DOCK9: variants seen among roughly 807,000 people sequenced by gnomAD.
DOCK9 encodes dedicator of cytokinesis 9, also known as dedicator of cytokinesis protein 9.
Under a neutral mutation model 263.3 loss-of-function variants are expected in DOCK9, and 89 were observed. That is an observed-to-expected ratio of 0.34 (90% CI 0.28 to 0.40). The LOEUF (loss-of-function observed/expected upper bound fraction) is 0.40, where lower values mean the gene tolerates loss of function less well. DOCK9 is among the 10% of genes least tolerant of loss of function. The probability of loss-of-function intolerance (pLI) is 1.00; values close to 1 mark genes in which losing one functional copy is unlikely to be tolerated. For missense variants in DOCK9, 2,140 were observed against 2,603.4 expected (o/e 0.82, Z 3.87); for synonymous variants, 976 against 973.1 (o/e 1.00, Z -0.06).
chr13:98,983,357 G>A (rs17785077), intron 1 of DOCK9, among the ~76,000 whole-genome samples: 14,044 of 152,178 alleles, frequency 0.092, 713 homozygotes, highest in Middle Eastern at 0.14. Flanking sequence ...TTCTGAGAAA[G>A]ACAAAAGCAT....
At chr13:98,940,238 C>T (rs536253219) in intron 2 of DOCK9, among the ~76,000 whole-genome samples, 4 of 152,132 alleles carry the variant, frequency 2.6e-5, no homozygotes, top group South Asian at 2.1e-4. Context: ...TTCAGGCAAG[C>T]GTTGCCTAAA....
chr13:98,923,412 G>C (rs1272642404), intron 4 of DOCK9, 41 bp from the exon 5 acceptor site: 1 of 1,539,594 alleles, frequency 6.5e-7, no homozygotes, highest in South Asian at 1.1e-5. Flanking sequence ...GAAATGCCTA[G>C]TCAAGGAAGA....
intron 45 of DOCK9, among the ~76,000 whole-genome samples, chr13:98,819,848 C>T (rs2092151476): frequency 6.6e-6 from 1 of 152,242 alleles, no homozygotes; most frequent in Admixed American, 6.5e-5. Context: ...GATATAAACA[C>T]TTAATGCTTC....
At chr13:98,864,430 CTA>C (rs932119718) in intron 30 of DOCK9, among the ~76,000 whole-genome samples, 39 of 152,294 alleles carry the variant, frequency 2.6e-4, no homozygotes, top group African/African-American at 8.9e-4. Context: ...AAAGGAAAGT[CTA>C]TAGACCTCTC....
At chr13:99,015,733 C>T in intron 1 of DOCK9, 2 of 1,375,330 alleles carry the variant, frequency 1.5e-6, no homozygotes, top group Non-Finnish European at 1.9e-6. Context: ...GGTACTGGAA[C>T]AGAAGGGAAG....
intron 1 of DOCK9, among the ~76,000 whole-genome samples, chr13:99,052,610 G>A (rs1453164238): frequency 6.6e-6 from 1 of 151,922 alleles, no homozygotes; most frequent in Admixed American, 6.6e-5. Flanking sequence ...GGTTTGTGGG[G>A]GTAGACACAG....
rs1477362709 is a variant in DOCK9, at chr13:98,845,190, A to G, written c.4198+734T>C. Reference sequence around the variant, plus strand: ...GCTGACTGATAAAAGTAAATTAAAAATATGCTCCCCTGTTCTGGCAGAATC... The same window carrying G: ...GCTGACTGATAAAAGTAAATTAAAAGTATGCTCCCCTGTTCTGGCAGAATC... On this transcript the variant is annotated intron_variant, in intron 38 of 52. Transcript: ENST00000682017. 1.0e-5 allele frequency: 5 copies of G among 478,518 alleles called. No individual in the cohort carries two copies. The East Asian group carries it at 3.6e-4, about 35-fold the overall frequency. The allele number at this position is 478,518 out of a possible 1,614,324, so 29.6% of individuals were successfully genotyped here.
intron 15 of DOCK9, among the ~76,000 whole-genome samples, chr13:98,894,413 T>C (rs1164573354): frequency 6.6e-6 from 1 of 152,226 alleles, no homozygotes; most frequent in African/African-American, 2.4e-5. Flanking sequence ...TTTATGCCTA[T>C]CTTTCCATCT....
At chr13:98,931,960 TCAAA>T (rs911627698) in intron 2 of DOCK9, among the ~76,000 whole-genome samples, 2 of 150,880 alleles carry the variant, frequency 1.3e-5, no homozygotes, top group African/African-American at 2.4e-5. Flanking sequence ...ACTCCTGGGC[TCAAA>T]CAATCTCCCA....
In DOCK9 at chr13:98,975,955, C is replaced by T. The variant is rs541173599; in HGVS notation, c.126+1829G>A. ...CATCTTGAGAAACAAGTTGCCTTTC[C>T]AGCAGTCTGTTGAACTCTTGTTTGC... On this transcript the variant is annotated intron_variant, in intron 1 of 52. Transcript: ENST00000682017. Among the ~76,000 whole-genome samples the T allele has an allele frequency of 8.5e-4, 129 of 152,328 alleles. 1 individual carries two copies. The highest frequency in any genetic ancestry group is 1.8e-3 in the Admixed American group (28 of 15,306).
intron 1 of DOCK9, among the ~76,000 whole-genome samples, chr13:99,051,220 G>A (rs2040680025): frequency 6.6e-6 from 1 of 152,210 alleles, no homozygotes; most frequent in Non-Finnish European, 1.5e-5. Flanking sequence ...CTTTGCCTAG[G>A]AGCCAGCTCA....
intron 8 of DOCK9, among the ~76,000 whole-genome samples, chr13:98,914,845 C>G (rs1398205062): frequency 1.3e-5 from 2 of 152,174 alleles, no homozygotes; most frequent in African/African-American, 4.8e-5. Flanking sequence ...AGAACATAGC[C>G]AGATTTTTCT....
intron 1 of DOCK9, among the ~76,000 whole-genome samples, chr13:99,064,081 T>C (rs1365640581): frequency 1.3e-5 from 2 of 152,228 alleles, no homozygotes; most frequent in African/African-American, 2.4e-5. Flanking sequence ...TCATCTTCTC[T>C]CTTCACCAGC....
chr13:99,006,322 T>G (rs952324928), intron 1 of DOCK9, among the ~76,000 whole-genome samples: 1 of 152,238 alleles, frequency 6.6e-6, no homozygotes, highest in African/African-American at 2.4e-5. Flanking sequence ...TAATAGGCCT[T>G]TAAAAAATTC....
intron 52 of DOCK9, chr13:98,796,209 C>T (rs2089379723): frequency 1.3e-6 from 2 of 1,586,440 alleles, no homozygotes; most frequent in Non-Finnish European, 1.7e-6. Context: ...ACATTACCAT[C>T]CCAGCTGAAC....
chr13:99,011,511 C>A (rs1884470207), intron 1 of DOCK9, among the ~76,000 whole-genome samples: 1 of 152,148 alleles, frequency 6.6e-6, no homozygotes. Context: ...AAAAGCACAA[C>A]CATTCATATT....
At chr13:98,966,326 G>A (rs372180776) in intron 1 of DOCK9, among the ~76,000 whole-genome samples, 3 of 152,240 alleles carry the variant, frequency 2.0e-5, no homozygotes, top group Non-Finnish European at 1.5e-5. Context: ...GGAACACAGC[G>A]AGAACCAGGT....
At chr13:98,899,049 TTAA>T (rs1283947719) in intron 13 of DOCK9, among the ~76,000 whole-genome samples, 1 of 114,668 alleles carries the variant, frequency 8.7e-6, no homozygotes, top group Non-Finnish European at 1.8e-5. Context: ...TTTACATTAC[TTAA>T]TTTTTTTTTT....
chr13:98,835,972 G>A (rs528791885), intron 39 of DOCK9, among the ~76,000 whole-genome samples: 5 of 152,096 alleles, frequency 3.3e-5, no homozygotes, highest in South Asian at 2.1e-4. Flanking sequence ...TCCTGACCTC[G>A]TGATCCGCCT....
Sources: allele counts gnomAD v4.1 joint callset (sites outside exome capture counted in the v4.1 genomes callset), GRCh38; gene constraint gnomAD v4.1.1; transcripts MANE v1.5; gene names NCBI Gene and HGNC (gene_info 2026-07-23, HGNC 2026-07-21).